ST18: variants seen among roughly 807,000 people sequenced by gnomAD.
ST18 encodes suppression of tumorigenicity 18 protein.
Under a neutral mutation model 110.0 loss-of-function variants are expected in ST18, and 50 were observed. The observed-to-expected ratio is 0.45, with a 90% CI of 0.36 to 0.58. The LOEUF (loss-of-function observed/expected upper bound fraction) is 0.58, where lower values mean the gene tolerates loss of function less well. Ranked by LOEUF, ST18 falls within the 20% of genes least tolerant of loss-of-function variation. The probability of loss-of-function intolerance (pLI) is 0.00; values close to 1 mark genes in which losing one functional copy is unlikely to be tolerated. For synonymous variants in ST18, 461 were observed against 452.4 expected (o/e 1.02, Z -0.24); for missense variants, 1,306 against 1,280.1 (o/e 1.02, Z -0.31).
Position 52,126,079 on chromosome 8 carries a change from T to C in ST18, c.2728A>G (p.Met910Val). 1 of 1,614,170 alleles carries C rather than the reference T, an allele frequency of 6.2e-7. No homozygotes were observed. The highest frequency in any genetic ancestry group is 1.3e-5 in the African/African-American group (1 of 75,054). ...IKKGKVSEEL[M>V]TIKLKATGGI... ...CCAGTTGCTTTGAGCTTGATGGTCATGAGTTCTTCAGAAACCTTGCCCTTT... is the reference window on the plus strand; with the variant it reads ...CCAGTTGCTTTGAGCTTGATGGTCACGAGTTCTTCAGAAACCTTGCCCTTT... The change falls in exon 23 of 26, where the codon ATG (methionine) becomes GTG (valine). Residue 910 changes from methionine to valine, a missense_variant. By Grantham distance (21) the Met-to-Val change is conservative (BLOSUM62 1). Transcript: ENST00000689386.
At chr8:52,280,222 C>T (rs1241897658) in intron 2 of ST18, among the ~76,000 whole-genome samples, 2 of 151,662 alleles carry the variant, frequency 1.3e-5, no homozygotes, top group Admixed American at 1.3e-4. Flanking sequence ...GGAAAAGAAA[C>T]AAAGAAAAAG....
chr8:52,173,474 G>A (rs1264184093), intron 9 of ST18, among the ~76,000 whole-genome samples: 1 of 152,176 alleles, frequency 6.6e-6, no homozygotes. Flanking sequence ...GTCCCAGGCA[G>A]CCATTGTTGT....
intron 2 of ST18, among the ~76,000 whole-genome samples, chr8:52,262,953 T>C (rs1398273532): frequency 6.6e-6 from 1 of 152,236 alleles, no homozygotes; most frequent in Admixed American, 6.5e-5. Flanking sequence ...CTTTTTCCAC[T>C]GCTCAACTCA....
At chr8:52,225,080 T>A (rs1378915979) in intron 3 of ST18, among the ~76,000 whole-genome samples, 1 of 152,208 alleles carries the variant, frequency 6.6e-6, no homozygotes, top group Non-Finnish European at 1.5e-5. Context: ...ATGAAGTAAT[T>A]GTACTTACAC....
intron 2 of ST18, among the ~76,000 whole-genome samples, chr8:52,403,147 T>G (rs1417548612): frequency 6.6e-6 from 1 of 151,936 alleles, no homozygotes; most frequent in Non-Finnish European, 1.5e-5. Flanking sequence ...TCTAGGTAGC[T>G]TGTTCCCAGG....
intron 7 of ST18, 60 bp downstream of exon 7, chr8:52,214,143 G>C (rs1025531422): frequency 4.5e-4 from 693 of 1,524,764 alleles, no homozygotes; most frequent in Non-Finnish European, 6.0e-4. Context: ...CTGAGCACTG[G>C]AACGCTCATA....
At chr8:52,126,759 A>G (rs76194347) in intron 22 of ST18, among the ~76,000 whole-genome samples, 2,148 of 152,338 alleles carry the variant, frequency 0.014, 24 homozygotes, top group Middle Eastern at 0.051. Flanking sequence ...AGCTGCCACA[A>G]GTGTATTCAG....
intron 8 of ST18, among the ~76,000 whole-genome samples, chr8:52,204,766 C>A (rs886153171): frequency 6.6e-6 from 1 of 152,082 alleles, no homozygotes; most frequent in African/African-American, 2.4e-5. Flanking sequence ...TCACATGCAG[C>A]CTGCAGTGGT....
chr8:52,297,953 G>A (rs1034341584), intron 2 of ST18, among the ~76,000 whole-genome samples: 3 of 152,170 alleles, frequency 2.0e-5, no homozygotes, highest in South Asian at 2.1e-4. Flanking sequence ...TTTAATTCTC[G>A]TTGTTTTCCC....
intron 2 of ST18, among the ~76,000 whole-genome samples, chr8:52,364,891 C>T (rs1052159283): frequency 6.6e-6 from 1 of 152,092 alleles, no homozygotes; most frequent in Non-Finnish European, 1.5e-5. Flanking sequence ...GGGCAGATCA[C>T]CTGAGGTCAG....
At chr8:52,326,278 AG>A (rs1471999887) in intron 2 of ST18, among the ~76,000 whole-genome samples, 1 of 152,132 alleles carries the variant, frequency 6.6e-6, no homozygotes, top group African/African-American at 2.4e-5. Context: ...GGGGAAGGGG[AG>A]GACAGAGGGA....
chr8:52,324,496 A>G (rs1164486104), intron 2 of ST18, among the ~76,000 whole-genome samples: 1 of 152,174 alleles, frequency 6.6e-6, no homozygotes, highest in African/African-American at 2.4e-5. Context: ...AGGATGGACT[A>G]TAGCAAAAAG....
intron 2 of ST18, among the ~76,000 whole-genome samples, chr8:52,380,434 G>A (rs929858703): frequency 5.3e-5 from 8 of 152,092 alleles, no homozygotes; most frequent in Admixed American, 2.0e-4. Flanking sequence ...TTTGGGGGGA[G>A]TGGAAAGTAT....
chr8:52,113,239 G>A lies in ST18; in HGVS notation c.3103C>T (p.Leu1035=), dbSNP rs755126380. 6.2e-7 allele frequency: 1 copy of A among 1,614,120 alleles called. No homozygotes were observed. The highest frequency in any genetic ancestry group is 1.1e-5 in the South Asian group (1 of 91,086). The part of the protein sequence containing the change: ...RDYSPECKAL[L]ESIKQAVKGI... ...TTCACTGCCTGTTTGATACTTTCCA[G>A]TAGAGCTTTGCATTCCGGGGAATAG... Residue 1035 remains leucine (L), a synonymous_variant, in exon 26 of 26, where the codon CTG becomes TTG. Coordinates refer to ENST00000689386, the MANE Select transcript of ST18 (RefSeq NM_001352837.2).
intron 2 of ST18, among the ~76,000 whole-genome samples, chr8:52,290,638 C>G (rs1175033964): frequency 6.6e-6 from 1 of 152,064 alleles, no homozygotes; most frequent in Admixed American, 6.5e-5. Context: ...TCTCTAGGAC[C>G]AAGCATGAGG....
At chr8:52,168,264 T>C (rs1369954427) in intron 10 of ST18, among the ~76,000 whole-genome samples, 1 of 147,442 alleles carries the variant, frequency 6.8e-6, no homozygotes, top group Non-Finnish European at 1.5e-5. Flanking sequence ...TAGATGCTGA[T>C]AGTGGAAACA....
chr8:52,257,071 T>A (rs2094549211), intron 2 of ST18, among the ~76,000 whole-genome samples: 1 of 152,226 alleles, frequency 6.6e-6, no homozygotes, highest in Non-Finnish European at 1.5e-5. Flanking sequence ...TTGTCCTTTA[T>A]TACTGGCCTC....
chr8:52,348,360 G>A (rs1362639221), intron 2 of ST18, among the ~76,000 whole-genome samples: 7 of 152,152 alleles, frequency 4.6e-5, no homozygotes, highest in South Asian at 2.1e-4. Flanking sequence ...CCCAAGCATC[G>A]GCAGCTTCTG....
chr8:52,180,398 G>A, intron 8 of ST18, 86 bp from the exon 9 acceptor site: 1 of 1,480,146 alleles, frequency 6.8e-7, no homozygotes, highest in Non-Finnish European at 9.2e-7. Context: ...CTAACCTAAA[G>A]CCTTTGGAAA....
Sources: allele counts gnomAD v4.1 joint callset (sites outside exome capture counted in the v4.1 genomes callset), GRCh38; gene constraint gnomAD v4.1.1; transcripts MANE v1.5; gene names NCBI Gene and HGNC (gene_info 2026-07-23, HGNC 2026-07-21).